TMCC1: variants seen among roughly 807,000 people sequenced by gnomAD.
TMCC1 encodes the protein transmembrane and coiled-coil domain family 1.
TMCC1 carries 15 observed loss-of-function variants against 52.4 expected under a neutral mutation model. That is an observed-to-expected ratio of 0.29 (90% CI 0.19 to 0.44). The LOEUF (loss-of-function observed/expected upper bound fraction) is 0.44. Among genes scored for constraint, TMCC1 ranks in the 20% least tolerant of loss-of-function variants. The pLI is 1.00. For synonymous variants in TMCC1, 279 were observed against 301.9 expected, an observed-to-expected ratio of 0.92 and a Z score of 0.79; for missense variants, 503 against 806.0, an observed-to-expected ratio of 0.62 and a Z score of 4.55.
rs1056091129 is a variant in TMCC1 at position 129,856,572 on chromosome 3, T to C, written c.-184+23737A>G. Among the ~76,000 whole-genome samples, 3 of 152,214 alleles carry C rather than the reference T, an allele frequency of 2.0e-5. 1 individual carries two copies. Among genetic ancestry groups the C allele is most frequent in the East Asian group, 3.8e-4 (2 of 5,196 alleles). ...AATGTCAAACAGTATTTCAAACATG[T>C]ATGAGCAACGAAAAACAACAGCTAA... is the stretch of plus-strand genomic sequence containing the variant. On this transcript the variant is annotated intron_variant, in intron 2 of 6. Transcript: ENST00000393238.
At chr3:129,733,438 A>T (rs2050702487) in intron 4 of TMCC1, among the ~76,000 whole-genome samples, 2 of 152,238 alleles carry the variant, frequency 1.3e-5, no homozygotes, top group Admixed American at 6.5e-5. Flanking sequence ...AATCAAAGTG[A>T]TAGCAGTAAA....
At chr3:129,888,140 C>A (rs2061805784) in intron 1 of TMCC1, among the ~76,000 whole-genome samples, 1 of 152,138 alleles carries the variant, frequency 6.6e-6, no homozygotes, top group African/African-American at 2.4e-5. Context: ...TACGTGTATG[C>A]TGGAATGGAA....
At chr3:129,882,232 T>C (rs904733221) in intron 1 of TMCC1, among the ~76,000 whole-genome samples, 1 of 151,910 alleles carries the variant, frequency 6.6e-6, no homozygotes, top group Admixed American at 6.6e-5. Context: ...AGGAGATACA[T>C]GAATGGCTGA....
At chr3:129,771,797 A>AAAAAAAAAAAAAAAG (rs60824072) in intron 4 of TMCC1, among the ~76,000 whole-genome samples, 3 of 86,834 alleles carry the variant, frequency 3.5e-5, no homozygotes, top group East Asian at 5.0e-4. Flanking sequence ...AAAAAAAAAA[A>AAAAAAAAAAAAAAAG]AAGAAGAAGA....
At position 129,651,425 on chromosome 3, in the gene TMCC1, A is replaced by G. The variant is rs2086312020; in HGVS notation, c.*56T>C. ...TTCAGAGTAGGTAAGTTGCTGTCTA[A>G]CTCTCTGCTGCATGCACTCGCCAGA... is the stretch of plus-strand genomic sequence containing the variant. On this transcript the variant is annotated 3_prime_UTR_variant, in exon 7 of 7. Transcript: ENST00000393238. This position sits in a 1 kb window ranked among gnomAD's most constrained non-coding sequence, Gnocchi z 5.1. The G allele has an allele frequency of 6.4e-7, 1 of 1,551,784 alleles. No homozygotes were observed. The highest frequency in any genetic ancestry group is 1.4e-5 in the African/African-American group (1 of 73,082).
chr3:129,753,971 A>T (rs1018225404), intron 4 of TMCC1, among the ~76,000 whole-genome samples: 1 of 151,948 alleles, frequency 6.6e-6, no homozygotes, highest in Non-Finnish European at 1.5e-5. Context: ...TCCCCCAAAC[A>T]AAAGACCCAC....
intron 2 of TMCC1, among the ~76,000 whole-genome samples, chr3:129,865,525 A>C (rs2060584260): frequency 1.3e-5 from 2 of 152,196 alleles, no homozygotes; most frequent in African/African-American, 4.8e-5. Context: ...AAAATAGCCC[A>C]AAGAGGATAG....
At chr3:129,769,346 C>G (rs563474830) in intron 4 of TMCC1, among the ~76,000 whole-genome samples, 1 of 152,196 alleles carries the variant, frequency 6.6e-6, no homozygotes, top group African/African-American at 2.4e-5. Flanking sequence ...TCTCATGCCT[C>G]GGCCTCCTGA....
intron 4 of TMCC1, among the ~76,000 whole-genome samples, chr3:129,709,975 A>AGGAAATG (rs1214739462): frequency 1.3e-5 from 2 of 152,068 alleles, no homozygotes; most frequent in African/African-American, 4.8e-5. Context: ...TCACAAGGTC[A>AGGAAATG]GGAAATGGAG....
intron 4 of TMCC1, among the ~76,000 whole-genome samples, chr3:129,795,796 T>C (rs945017087): frequency 6.6e-5 from 10 of 152,244 alleles, no homozygotes; most frequent in Admixed American, 3.3e-4. Context: ...ATCATCCCTT[T>C]GTCCAGCCTA....
intron 4 of TMCC1, among the ~76,000 whole-genome samples, chr3:129,816,384 A>G (rs2058098657): frequency 6.6e-6 from 1 of 152,240 alleles, no homozygotes; most frequent in Non-Finnish European, 1.5e-5. Flanking sequence ...ATACAAACAC[A>G]ATGAAATATT....
intron 4 of TMCC1, among the ~76,000 whole-genome samples, chr3:129,744,433 G>A (rs1276096337): frequency 1.3e-5 from 2 of 151,400 alleles, no homozygotes; most frequent in Admixed American, 6.6e-5. Context: ...GATTACAGGC[G>A]TGAGGCACCG....
At chr3:129,800,370 G>A (rs887431994) in intron 4 of TMCC1, among the ~76,000 whole-genome samples, 1 of 152,154 alleles carries the variant, frequency 6.6e-6, no homozygotes, top group Admixed American at 6.5e-5. Flanking sequence ...CTAAAGGACA[G>A]AGTAAGATTT....
intron 4 of TMCC1, among the ~76,000 whole-genome samples, chr3:129,675,394 C>T (rs191508737): frequency 2.0e-4 from 30 of 152,280 alleles, no homozygotes; most frequent in African/African-American, 5.3e-4. Flanking sequence ...ACTTAACCTC[C>T]GCATCCATTT....
chr3:129,892,638 A>T (rs1318926913), intron 1 of TMCC1: 2 of 152,250 alleles, frequency 1.3e-5, no homozygotes, highest in East Asian at 3.8e-4. Flanking sequence ...CTAACGTGTA[A>T]CGTGTCACAA....
chr3:129,749,874 A>G (rs79481706), intron 4 of TMCC1, among the ~76,000 whole-genome samples: 7,577 of 147,220 alleles, frequency 0.051, 580 homozygotes, highest in African/African-American at 0.17. Flanking sequence ...CTATGATTCA[A>G]ATTGAATCTA....
At chr3:129,855,331 T>C (rs1181565826) in intron 2 of TMCC1, among the ~76,000 whole-genome samples, 1 of 152,216 alleles carries the variant, frequency 6.6e-6, no homozygotes, top group Non-Finnish European at 1.5e-5. Context: ...CTCGTTTTCT[T>C]AATACTTCAT....
At chr3:129,887,469 G>A (rs1023920164) in intron 1 of TMCC1, among the ~76,000 whole-genome samples, 1 of 151,042 alleles carries the variant, frequency 6.6e-6, no homozygotes, top group African/African-American at 2.4e-5. Context: ...TTGAACCCGG[G>A]AGGTGGAGGC....
rs540363890 is a variant in TMCC1 at position 129,716,423 on chromosome 3, C to G, written c.577-45159G>C. Among the ~76,000 whole-genome samples, 4 of 146,184 alleles carry G rather than the reference C, an allele frequency of 2.7e-5. No homozygotes were observed. In the East Asian group the frequency reaches 8.1e-4, roughly 30 times the overall value. ...GATCTCAGCTCACTGCAAGCTCTGT[C>G]TCCCAGGTTCACGCCATTCTCCTGC... On this transcript the variant is annotated intron_variant, in intron 4 of 6. Coordinates refer to ENST00000393238, the MANE Select transcript of TMCC1 (RefSeq NM_001017395.5).
Sources: gnomAD v4.1 joint callset for allele counts (sites outside exome capture counted in the v4.1 genomes callset) on GRCh38, gnomAD v4.1.1 for gene constraint, Gnocchi (gnomAD v3.1) non-coding constraint, MANE v1.5 for transcripts, NCBI Gene and HGNC (gene_info 2026-07-23, HGNC 2026-07-21) for gene names.